Variants in MRPL13 observed in about 807,000 individuals in gnomAD.
MRPL13 encodes mitochondrial ribosomal protein L13.
A neutral mutation model predicts 29.0 loss-of-function variants in MRPL13; 33 were observed. The ratio of observed to expected loss-of-function variants is 1.14; its 90% CI spans 0.86 to 1.52. MRPL13 has a LOEUF of 1.52. MRPL13 is among the 40% of genes most tolerant of loss of function. MRPL13 has a pLI of 0.00. For missense variants in MRPL13, 227 were observed against 216.7 expected, an observed-to-expected ratio of 1.05 and a Z score of -0.30; for synonymous variants, 77 against 68.4, an observed-to-expected ratio of 1.13 and a Z score of -0.62.
At chr8:120,421,388 C>T (rs918483427) in intron 4 of MRPL13, among the ~76,000 whole-genome samples, 1 of 151,742 alleles carries the variant, frequency 6.6e-6, no homozygotes, top group Admixed American at 6.6e-5. Flanking sequence ...ACCTATTTAA[C>T]TATTAAATAT....
chr8:120,405,317 C>A (rs7819820), intron 6 of MRPL13, among the ~76,000 whole-genome samples: 87,874 of 152,000 alleles, frequency 0.58, 26,792 homozygotes, highest in Non-Finnish European at 0.67. Context: ...ACTAAAACAA[C>A]GAAATTCAAG....
intron 4 of MRPL13, among the ~76,000 whole-genome samples, chr8:120,422,932 G>GT (rs1812890253): frequency 6.6e-6 from 1 of 151,864 alleles, no homozygotes; most frequent in African/African-American, 2.4e-5. Context: ...AGCCTACCAA[G>GT]TAAGTACACT....
intron 6 of MRPL13, among the ~76,000 whole-genome samples, chr8:120,402,848 G>A (rs1266652242): frequency 2.0e-5 from 3 of 152,060 alleles, no homozygotes; most frequent in Non-Finnish European, 4.4e-5. Flanking sequence ...GACATGAACA[G>A]ACACTTCTTA....
At chr8:120,421,047 C>T (rs929797805) in intron 4 of MRPL13, among the ~76,000 whole-genome samples, 2 of 151,524 alleles carry the variant, frequency 1.3e-5, no homozygotes, top group Non-Finnish European at 2.9e-5. Flanking sequence ...TCTAGCTGTA[C>T]AGACATTAAG....
chr8:120,429,555 C>T (rs145614277), intron 3 of MRPL13, among the ~76,000 whole-genome samples: 228 of 150,628 alleles, frequency 1.5e-3, no homozygotes, highest in Non-Finnish European at 2.5e-3. Flanking sequence ...CTTATAAAAG[C>T]CAAAATTTTC....
Position 120,445,149 on chromosome 8 carries a change from T to G in MRPL13, c.-55A>C. 1 of 1,610,036 alleles carries G rather than the reference T, an allele frequency of 6.2e-7. No homozygotes were observed. Among genetic ancestry groups the G allele is most frequent in the Non-Finnish European group, 8.5e-7 (1 of 1,176,436 alleles). On this transcript the variant is annotated 5_prime_UTR_variant, in exon 1 of 7. Coordinates refer to ENST00000306185, the MANE Select transcript of MRPL13 (RefSeq NM_014078.6). ...TCTCCTAGTAGCCACGCCGGGTCAC[T>G]CAGCCTTACTGGCCCGGCGGGAAAC...
At chr8:120,420,491 A>G (rs900839549) in intron 4 of MRPL13, among the ~76,000 whole-genome samples, 30 of 147,428 alleles carry the variant, frequency 2.0e-4, no homozygotes, top group Admixed American at 1.4e-3. Context: ...TATATAAAAT[A>G]TATATAAATA....
chr8:120,438,501 A>G (rs576123342), intron 2 of MRPL13, among the ~76,000 whole-genome samples: 1 of 152,368 alleles, frequency 6.6e-6, no homozygotes, highest in African/African-American at 2.4e-5. Context: ...CCTGGTTATA[A>G]GGAAGCAGAA....
chr8:120,400,146 C>G (rs1158531045), intron 6 of MRPL13, among the ~76,000 whole-genome samples: 1 of 152,226 alleles, frequency 6.6e-6, no homozygotes, highest in African/African-American at 2.4e-5. Flanking sequence ...TGATAGATAT[C>G]TACAGAACTC....
At position 120,422,495 on chromosome 8, in the gene MRPL13, T is replaced by C. The variant is rs10088035; in HGVS notation, c.307-2557A>G. 1.4e-3 allele frequency among the ~76,000 whole-genome samples: 213 copies of C among 150,676 alleles called. 1 individual carries two copies. The highest frequency in any genetic ancestry group is 4.8e-3 in the African/African-American group (200 of 41,338). On this transcript the variant is annotated intron_variant, in intron 4 of 6. Coordinates refer to ENST00000306185, the MANE Select transcript of MRPL13 (RefSeq NM_014078.6). ...AAGAAATAAACATTAATGAACCATA[T>C]AAATTTTCCATCTGTTTTCTATTAG... is the stretch of plus-strand genomic sequence containing the variant.
chr8:120,425,202 TC>T, intron 4 of MRPL13, 103 bp downstream of exon 4: 1 of 810,560 alleles, frequency 1.2e-6, no homozygotes, highest in Non-Finnish European at 2.0e-6. Flanking sequence ...AGAATTTATA[TC>T]CTTGAATGCT....
At chr8:120,420,282 G>C (rs1327086292) in intron 4 of MRPL13, among the ~76,000 whole-genome samples, 1 of 151,112 alleles carries the variant, frequency 6.6e-6, no homozygotes, top group Non-Finnish European at 1.5e-5. Flanking sequence ...ATACATGTTA[G>C]AATAGGGTTA....
chr8:120,429,287 A>C (rs115088158), intron 3 of MRPL13, among the ~76,000 whole-genome samples: 2,086 of 152,240 alleles, frequency 0.014, 43 homozygotes, highest in African/African-American at 0.046. Context: ...TATAAGTGGA[A>C]GCTCAATGAT....
chr8:120,398,960 G>C (rs1812555649), intron 6 of MRPL13, among the ~76,000 whole-genome samples: 1 of 151,288 alleles, frequency 6.6e-6, no homozygotes, highest in Admixed American at 6.6e-5. Flanking sequence ...CACACAGAAT[G>C]AAAAGGAATG....
At chr8:120,400,150 A>G (rs1812574474) in intron 6 of MRPL13, among the ~76,000 whole-genome samples, 1 of 152,250 alleles carries the variant, frequency 6.6e-6, no homozygotes, top group Admixed American at 6.5e-5. Context: ...AGATATCTAC[A>G]GAACTCTGCA....
At chr8:120,415,226 G>A (rs992923271) in intron 5 of MRPL13, 15 of 152,180 alleles carry the variant, frequency 9.9e-5, no homozygotes, top group African/African-American at 2.9e-4. Flanking sequence ...TTTAAATAAC[G>A]GTAAGATATC....
At chr8:120,427,997 A>G (rs1812950503) in intron 3 of MRPL13, among the ~76,000 whole-genome samples, 1 of 152,012 alleles carries the variant, frequency 6.6e-6, no homozygotes, top group South Asian at 2.1e-4. Flanking sequence ...TTCAAAATTC[A>G]TATGAAACCA....
chr8:120,396,508 G>A (rs1263155380), intron 6 of MRPL13, among the ~76,000 whole-genome samples: 1 of 152,042 alleles, frequency 6.6e-6, no homozygotes, highest in East Asian at 1.9e-4. Context: ...TAGTACAAAT[G>A]CAAATTTTGA....
intron 3 of MRPL13, among the ~76,000 whole-genome samples, chr8:120,426,808 T>G (rs1289146710): frequency 1.3e-5 from 2 of 152,146 alleles, no homozygotes; most frequent in African/African-American, 4.8e-5. Flanking sequence ...TAAATGTGTA[T>G]CATGCTGGAA....
Sources: allele counts gnomAD v4.1 joint callset (sites outside exome capture counted in the v4.1 genomes callset), GRCh38; gene constraint gnomAD v4.1.1; transcripts MANE v1.5; gene names NCBI Gene and HGNC (gene_info 2026-07-23, HGNC 2026-07-21).